The following CDK13 variants were observed in gnomAD, a reference collection of about 807,000 sequenced individuals.
CDK13 encodes the protein cyclin dependent kinase 13, also known as cyclin-dependent kinase 13.
Under a neutral mutation model 137.6 loss-of-function variants are expected in CDK13, and 40 were observed. The observed-to-expected ratio is 0.29, with a 90% CI of 0.23 to 0.38. CDK13 has a LOEUF of 0.38. Ranked by LOEUF, CDK13 falls within the 10% of genes least tolerant of loss-of-function variation. CDK13 has a pLI of 1.00. For missense variants in CDK13, 1,704 were observed against 1,951.8 expected (o/e 0.87, Z 2.39); for synonymous variants, 869 against 760.1 (o/e 1.14, Z -2.36).
Position 39,951,517 on chromosome 7 carries a change from C to T in CDK13, c.876C>T (p.Ala292=), listed in dbSNP as rs772607392. 2 of 1,534,736 alleles carry T rather than the reference C, an allele frequency of 1.3e-6. No homozygotes were observed. The highest frequency in any genetic ancestry group is 5.2e-5 in the East Asian group (2 of 38,740). ...RTKSSKEPPS[A]YKEPPKAYRE... ...AGTCGTCCAAGGAGCCGCCTTCGGCCTACAAGGAACCGCCCAAGGCCTACC... is the reference window on the plus strand; with the variant it reads ...AGTCGTCCAAGGAGCCGCCTTCGGCTTACAAGGAACCGCCCAAGGCCTACC... The change falls in exon 1 of 14, where the codon GCC becomes GCT. Residue 292 remains alanine (A), a synonymous_variant. Transcript: ENST00000181839.
chr7:40,021,097 A>G lies in CDK13; in HGVS notation c.2353+19066A>G, dbSNP rs13239627. Among the ~76,000 whole-genome samples the G allele has an allele frequency of 8.7e-5, 3 of 34,458 alleles. No homozygotes were observed. The Admixed American group carries it at 1.3e-3, about 15-fold the overall frequency. 22.6% of individuals were successfully genotyped at this position (34,458 alleles called of 152,430 possible). A position where few individuals can be genotyped will look rare whatever the true frequency, so the allele number is the denominator to read the frequency against. ...AGAGCGAGATTCCATCTCAGAGCAA[A>G]CAAACGTATATATATATATATATAT... On this transcript the variant is annotated intron_variant, in intron 5 of 13. Coordinates refer to ENST00000181839, the MANE Select transcript of CDK13 (RefSeq NM_003718.5).
intron 13 of CDK13, among the ~76,000 whole-genome samples, chr7:40,093,901 G>A (rs1377442178): frequency 1.6e-5 from 2 of 121,660 alleles, no homozygotes; most frequent in African/African-American, 3.4e-5. Flanking sequence ...GTGAGACCGT[G>A]TCACCAAAAA....
intron 1 of CDK13, among the ~76,000 whole-genome samples, chr7:39,961,428 A>G (rs573329598): frequency 6.6e-6 from 1 of 152,214 alleles, no homozygotes; most frequent in South Asian, 2.1e-4. Flanking sequence ...ATTCTGCCCA[A>G]TAGATCGCTA....
At chr7:39,995,291 A>G (rs1303887531) in intron 2 of CDK13, among the ~76,000 whole-genome samples, 3 of 152,228 alleles carry the variant, frequency 2.0e-5, no homozygotes, top group Non-Finnish European at 4.4e-5. Context: ...AGTGAAATTA[A>G]GACTTTAGTT....
At chr7:40,074,178 G>T in intron 9 of CDK13, among the ~76,000 whole-genome samples, 1 of 151,624 alleles carries the variant, frequency 6.6e-6, no homozygotes, top group African/African-American at 2.4e-5. Context: ...GTGATTAGAG[G>T]CATGAGCCAT....
Position 40,094,140 on chromosome 7 carries a change from C to T in CDK13, c.3699C>T (p.Asp1233=), listed in dbSNP as rs1159181001. Residue 1233 remains aspartate, a synonymous_variant, in exon 14 of 14, where the codon GAC becomes GAT. Coordinates refer to ENST00000181839, the MANE Select transcript of CDK13 (RefSeq NM_003718.5). ...EPSTPVSGQD[D]LIQHQDMRIL... ...CTCTGTTTCACTTAGGACAAGATGA[C>T]CTCATCCAGCATCAAGATATGAGGA... is the stretch of plus-strand genomic sequence containing the variant. 6.2e-7 allele frequency: 1 copy of T among 1,613,674 alleles called. No individual in the cohort carries two copies. Among genetic ancestry groups the T allele is most frequent in the South Asian group, 1.1e-5 (1 of 91,036 alleles).
intron 1 of CDK13, chr7:39,952,784 T>A (rs1288678212): frequency 6.6e-6 from 1 of 152,118 alleles, no homozygotes; most frequent in African/African-American, 2.4e-5. Flanking sequence ...AAGGTGTAAT[T>A]TAATTTAATG....
In CDK13 at chr7:40,094,206, G is replaced by GCCCCCTGACCAACGA; in HGVS notation, c.3767_3768insCCCTGACCAACGACC (p.Asp1258_Pro1262dup). ...CAGAACCAGACCGGCCTCGAATTCTGCCTCCTGACCAACGACCTCCCGAGC... is the reference window on the plus strand; with the variant it reads ...CAGAACCAGACCGGCCTCGAATTCTGCCCCCTGACCAACGACCTCCTGACCAACGACCTCCCGAGC... On this transcript the variant is annotated inframe_insertion, in exon 14 of 14. Coordinates refer to ENST00000181839, the MANE Select transcript of CDK13 (RefSeq NM_003718.5). The GCCCCCTGACCAACGA allele has an allele frequency of 6.2e-7, 1 of 1,613,854 alleles. No individual in the cohort carries two copies. Among genetic ancestry groups the GCCCCCTGACCAACGA allele is most frequent in the Non-Finnish European group, 8.5e-7 (1 of 1,179,962 alleles).
chr7:40,042,165 C>T (rs551933134), intron 5 of CDK13, among the ~76,000 whole-genome samples: 1 of 151,966 alleles, frequency 6.6e-6, no homozygotes, highest in Admixed American at 6.6e-5. Flanking sequence ...CTGCAACCTC[C>T]GCCTCTCGGG....
At chr7:40,091,383 T>G (rs1057186031) in intron 12 of CDK13, among the ~76,000 whole-genome samples, 23 of 151,948 alleles carry the variant, frequency 1.5e-4, no homozygotes, top group African/African-American at 5.3e-4. Context: ...TAGCCAGGCA[T>G]GGTGGCACGC....
Position 39,999,466 on chromosome 7 carries a change from C to A in CDK13, c.2148C>A (p.Tyr716Ter), listed in dbSNP as rs151007323. Residue 716 changes from tyrosine to a stop codon, truncating the protein, a stop_gained, in exon 4 of 14, where the codon TAC becomes TAA. Coordinates refer to ENST00000181839, the MANE Select transcript of CDK13 (RefSeq NM_003718.5). LOFTEE classifies it high-confidence loss of function. ...TCGGAATTATTGGAGAAGGTACTTA[C>A]GGACAAGTTTACAAAGCCAGGGATA... ...DIIGIIGEGT[Y>*]GQVYKARDKD... 6.2e-7 allele frequency: 1 copy of A among 1,611,040 alleles called. No homozygotes were observed. Among genetic ancestry groups the A allele is most frequent in the Non-Finnish European group, 8.5e-7 (1 of 1,178,360 alleles).
At chr7:39,959,147 T>C (rs1407136157) in intron 1 of CDK13, among the ~76,000 whole-genome samples, 1 of 152,042 alleles carries the variant, frequency 6.6e-6, no homozygotes, top group African/African-American at 2.4e-5. Context: ...AGGTTTAATA[T>C]ATTTTCATCT....
chr7:40,059,524 A>G (rs1327971641), intron 7 of CDK13, among the ~76,000 whole-genome samples: 1 of 152,118 alleles, frequency 6.6e-6, no homozygotes, highest in Non-Finnish European at 1.5e-5. Context: ...ACGCCTGGCT[A>G]ATTTTTGTAT....
chr7:39,987,874 C>T lies in CDK13; in HGVS notation c.1487C>T (p.Thr496Ile). Residue 496 changes from threonine to isoleucine, a missense_variant, in exon 2 of 14, where the codon ACC becomes ATC. Physicochemically the swap from Thr to Ile is moderately conservative, Grantham distance 89 (BLOSUM62 -1). This residue lies in a region of CDK13 where 1,051 missense variants were observed against 931.0 expected (regional missense o/e 1.13). Coordinates refer to ENST00000181839, the MANE Select transcript of CDK13 (RefSeq NM_003718.5). ...AAKASNTSTP[T>I]KGNTETSASA... Reference sequence around the variant, plus strand: ...AAAGCTTCAAACACTTCTACACCTACCAAGGGGAACACGGAAACTAGTGCC... The same window carrying T: ...AAAGCTTCAAACACTTCTACACCTATCAAGGGGAACACGGAAACTAGTGCC... The T allele has an allele frequency of 1.2e-6, 2 of 1,614,234 alleles. No homozygotes were observed. Among genetic ancestry groups the T allele is most frequent in the South Asian group, 2.2e-5 (2 of 91,080 alleles).
chr7:40,081,235 T>C (rs1786656413), intron 11 of CDK13, among the ~76,000 whole-genome samples: 1 of 152,208 alleles, frequency 6.6e-6, no homozygotes, highest in Non-Finnish European at 1.5e-5. Flanking sequence ...GATCCTGCTC[T>C]GTGATAATTA....
intron 12 of CDK13, among the ~76,000 whole-genome samples, chr7:40,090,931 C>A (rs1000134246): frequency 6.6e-6 from 1 of 152,002 alleles, no homozygotes; most frequent in African/African-American, 2.4e-5. Context: ...GAATTCCAGG[C>A]TGGGCATGGT....
intron 1 of CDK13, among the ~76,000 whole-genome samples, chr7:39,962,803 A>T (rs1325896114): frequency 6.6e-6 from 1 of 152,162 alleles, no homozygotes; most frequent in East Asian, 1.9e-4. Flanking sequence ...TTTTTGTATA[A>T]GGTGTAAGGA....
At position 40,073,211 on chromosome 7, in the gene CDK13, G is replaced by A. The variant is rs139719099; in HGVS notation, c.2781-4794G>A. On this transcript the variant is annotated intron_variant, in intron 9 of 13. Coordinates refer to ENST00000181839, the MANE Select transcript of CDK13 (RefSeq NM_003718.5). ...GCCACATAATGTAACATACCACAGTGATAAAGATACATTTGAAAAAAATAT... is the reference window on the plus strand; with the variant it reads ...GCCACATAATGTAACATACCACAGTAATAAAGATACATTTGAAAAAAATAT... 2.6e-5 allele frequency: 4 copies of A among 151,682 alleles called. No individual in the cohort carries two copies. The East Asian group carries it at 7.7e-4, about 29-fold the overall frequency. 9.4% of individuals were successfully genotyped at this position (151,682 alleles called of 1,614,324 possible). A position where few individuals can be genotyped will look rare whatever the true frequency, so the allele number is the denominator to read the frequency against.
rs538198465 is a variant in CDK13 at position 40,021,168 on chromosome 7, A to T, written c.2353+19137A>T. On this transcript the variant is annotated intron_variant, in intron 5 of 13. Coordinates refer to ENST00000181839, the MANE Select transcript of CDK13 (RefSeq NM_003718.5). ...ACACACACATAAAGTTTTAAGTCTG[A>T]AATTCCCAAAGATCAGTTCATACGC... Among the ~76,000 whole-genome samples, 15 of 134,288 alleles carry T rather than the reference A, an allele frequency of 1.1e-4. No homozygotes were observed. The East Asian group carries it at 3.0e-3, about 27-fold the overall frequency. The allele number at this position is 134,288 out of a possible 152,430, so 88.1% of individuals were successfully genotyped here. A position where few individuals can be genotyped will look rare whatever the true frequency, so the allele number is the denominator to read the frequency against.
Sources: allele counts gnomAD v4.1 joint callset (sites outside exome capture counted in the v4.1 genomes callset), GRCh38; gene constraint gnomAD v4.1.1; regional missense constraint gnomAD v4.1.1; transcripts MANE v1.5; gene names NCBI Gene and HGNC (gene_info 2026-07-23, HGNC 2026-07-21).